ROBO2: variants seen among roughly 807,000 people sequenced by gnomAD.
The protein encoded by ROBO2 is roundabout guidance receptor 2, also known as roundabout homolog 2.
Under a neutral mutation model 160.8 loss-of-function variants are expected in ROBO2, and 53 were observed. That is an observed-to-expected ratio of 0.33 (90% confidence interval 0.26 to 0.41). The LOEUF is 0.41. Among genes scored for constraint, ROBO2 ranks in the 10% least tolerant of loss-of-function variants. The pLI is 1.00. For synonymous variants in ROBO2, 664 were observed against 611.7 expected, an observed-to-expected ratio of 1.09 and a Z score of -1.26; for missense variants, 1,577 against 1,722.4, an observed-to-expected ratio of 0.92 and a Z score of 1.49.
At chr3:77,539,207 A>G (rs961656577) in intron 6 of ROBO2, among the ~76,000 whole-genome samples, 3 of 152,076 alleles carry the variant, frequency 2.0e-5, no homozygotes, top group Non-Finnish European at 4.4e-5. Context: ...GGAGTGAGCC[A>G]CCGCCCCCCG....
At chr3:76,601,301 G>A (rs576096974) in intron 2 of ROBO2, among the ~76,000 whole-genome samples, 60 of 152,268 alleles carry the variant, frequency 3.9e-4, no homozygotes, top group Non-Finnish European at 7.1e-4. Flanking sequence ...CTTCTCACAG[G>A]TCCACTAAGT....
chr3:77,530,321 C>G (rs2091573634), intron 6 of ROBO2, among the ~76,000 whole-genome samples: 1 of 151,798 alleles, frequency 6.6e-6, no homozygotes, highest in African/African-American at 2.4e-5. Context: ...ATTCAGAAAC[C>G]CTCACTACAT....
At chr3:77,498,944 T>G (rs1207198399) in intron 5 of ROBO2, among the ~76,000 whole-genome samples, 1 of 152,168 alleles carries the variant, frequency 6.6e-6, no homozygotes, top group Non-Finnish European at 1.5e-5. Context: ...TACAAAATAT[T>G]GTAAATGACA....
At chr3:77,539,362 A>C (rs2092346671) in intron 6 of ROBO2, among the ~76,000 whole-genome samples, 1 of 152,182 alleles carries the variant, frequency 6.6e-6, no homozygotes, top group Non-Finnish European at 1.5e-5. Flanking sequence ...TCTCTACAAA[A>C]GGGCGTATCA....
At chr3:77,079,731 G>C (rs1034039058) in intron 1 of ROBO2, among the ~76,000 whole-genome samples, 14 of 152,164 alleles carry the variant, frequency 9.2e-5, no homozygotes, top group African/African-American at 3.1e-4. Context: ...TTGCTTATAG[G>C]GGAATGTTGA....
At chr3:77,414,035 G>A (rs1448072726) in intron 2 of ROBO2, among the ~76,000 whole-genome samples, 1 of 151,846 alleles carries the variant, frequency 6.6e-6, no homozygotes, top group African/African-American at 2.4e-5. Context: ...ACTGAGCTTT[G>A]GATCAGTTCA....
intron 2 of ROBO2, among the ~76,000 whole-genome samples, chr3:76,596,351 G>A (rs759585299): frequency 1.3e-5 from 2 of 152,074 alleles, no homozygotes; most frequent in African/African-American, 2.4e-5. Context: ...TGATAGGAGA[G>A]AGAATATGTT....
chr3:76,036,412 A>G lies in ROBO2; in HGVS notation c.109+98810A>G, dbSNP rs764408291. On this transcript the variant is annotated intron_variant, in intron 2 of 26. Coordinates refer to the ROBO2 transcript ENST00000487694. ...TGATCTGCCTGCCTTGGCCTCCCAA[A>G]GTGCTGGGATTACAGGCGTGAGCCA... Among the ~76,000 whole-genome samples, 52 of 151,776 alleles carry G rather than the reference A, an allele frequency of 3.4e-4. 1 individual carries two copies. The highest frequency in any genetic ancestry group is 6.3e-4 in the Non-Finnish European group (43 of 67,994).
intron 5 of ROBO2, among the ~76,000 whole-genome samples, chr3:77,510,370 G>C (rs2089233881): frequency 6.6e-6 from 1 of 152,056 alleles, no homozygotes. Flanking sequence ...GATAGACATG[G>C]AGGAAGAGGT....
intron 2 of ROBO2, among the ~76,000 whole-genome samples, chr3:76,880,191 C>T (rs1333305577): frequency 2.0e-5 from 3 of 151,914 alleles, no homozygotes; most frequent in East Asian, 3.9e-4. Context: ...ATCATTTTTC[C>T]ATTTGGCCTA....
chr3:76,303,719 C>T (rs1468881202), intron 2 of ROBO2, among the ~76,000 whole-genome samples: 4 of 152,138 alleles, frequency 2.6e-5, no homozygotes, highest in African/African-American at 9.7e-5. Flanking sequence ...ATATATAAGC[C>T]TCTGCTTAAT....
At chr3:76,778,154 C>A (rs1327623695) in intron 2 of ROBO2, among the ~76,000 whole-genome samples, 5 of 151,064 alleles carry the variant, frequency 3.3e-5, no homozygotes, top group Non-Finnish European at 7.4e-5. Flanking sequence ...TCATTCTTCT[C>A]TTGTTCTGTT....
intron 2 of ROBO2, among the ~76,000 whole-genome samples, chr3:76,252,998 C>G (rs1035526370): frequency 1.3e-5 from 2 of 151,906 alleles, no homozygotes; most frequent in Non-Finnish European, 2.9e-5. Context: ...CAAGGCCCCC[C>G]CACATTATCA....
chr3:76,221,898 G>A (rs1485745725), intron 2 of ROBO2, among the ~76,000 whole-genome samples: 2 of 152,136 alleles, frequency 1.3e-5, no homozygotes, highest in Non-Finnish European at 2.9e-5. Context: ...CATAACCTGA[G>A]AAGGGTCTAT....
At chr3:76,828,678 A>C (rs1047804109) in intron 2 of ROBO2, among the ~76,000 whole-genome samples, 6 of 152,106 alleles carry the variant, frequency 3.9e-5, no homozygotes, top group African/African-American at 1.2e-4. Flanking sequence ...TTCATAGTAA[A>C]AATCTATGTT....
intron 2 of ROBO2, among the ~76,000 whole-genome samples, chr3:76,217,882 T>A (rs1371404975): frequency 1.3e-5 from 2 of 152,162 alleles, no homozygotes; most frequent in South Asian, 2.1e-4. Context: ...TAAACCAATA[T>A]CCTTGATGAA....
chr3:77,246,703 A>G (rs1263640066), intron 2 of ROBO2, among the ~76,000 whole-genome samples: 2 of 152,204 alleles, frequency 1.3e-5, no homozygotes, highest in Non-Finnish European at 2.9e-5. Context: ...TTCCAAAACT[A>G]TACTGTACAG....
intron 2 of ROBO2, among the ~76,000 whole-genome samples, chr3:77,123,088 C>T (rs534033058): frequency 2.0e-5 from 3 of 152,076 alleles, no homozygotes; most frequent in Admixed American, 1.3e-4. Flanking sequence ...AAGCAGTTTG[C>T]CAATAAAGAT....
rs147171112 is a variant in ROBO2, at chr3:77,621,440, T to C, written c.3555-787T>C. Among the ~76,000 whole-genome samples the C allele has an allele frequency of 4.7e-4, 72 of 151,874 alleles. 1 individual carries two copies. In the East Asian group the frequency reaches 0.012, roughly 26 times the overall value. On this transcript the variant is annotated intron_variant, in intron 22 of 25. Coordinates refer to ENST00000461745, the Ensembl canonical transcript of ROBO2. ...GACCCCTTCTCTCCAAAAAATTAAA[T>C]AAATAAATAAATAAATAAATGAGGG...
Sources: gnomAD v4.1 joint callset for allele counts (sites outside exome capture counted in the v4.1 genomes callset) on GRCh38, gnomAD v4.1.1 for gene constraint, MANE v1.5 for transcripts, NCBI Gene and HGNC (gene_info 2026-07-23, HGNC 2026-07-21) for gene names.